Variants in SLC16A7 observed in about 807,000 individuals in gnomAD.
SLC16A7 encodes solute carrier family 16 member 7.
In SLC16A7, 33 loss-of-function variants were observed where a neutral mutation model predicts 34.9. The ratio of observed to expected loss-of-function variants is 0.94; its 90% CI spans 0.72 to 1.26. The LOEUF (loss-of-function observed/expected upper bound fraction) is 1.26. SLC16A7 is among the 50% of genes most tolerant of loss of function. The pLI, the probability that SLC16A7 is intolerant of heterozygous loss-of-function variation, is 0.00. For synonymous variants in SLC16A7, 201 were observed against 206.6 expected (o/e 0.97, Z 0.23); for missense variants, 573 against 578.1 (o/e 0.99, Z 0.09).
chr12:59,772,759 G>A (rs1288745086), intron 4 of SLC16A7, among the ~76,000 whole-genome samples: 2 of 151,924 alleles, frequency 1.3e-5, no homozygotes, highest in African/African-American at 4.8e-5. Flanking sequence ...AAATGAATAC[G>A]TAGTACTTTA....
intron 2 of SLC16A7, among the ~76,000 whole-genome samples, chr12:59,662,514 C>A (rs1480060328): frequency 6.6e-6 from 1 of 152,052 alleles, no homozygotes; most frequent in Non-Finnish European, 1.5e-5. Context: ...GAATTTATAA[C>A]CTTGGCAAAA....
intron 2 of SLC16A7, among the ~76,000 whole-genome samples, chr12:59,699,565 C>T (rs567148332): frequency 1.3e-4 from 20 of 151,630 alleles, no homozygotes; most frequent in South Asian, 4.2e-4. Flanking sequence ...CACAAATGCC[C>T]CAAGAGAGGA....
In SLC16A7 at chr12:59,619,601, A is replaced by T. The variant is rs144607667; in HGVS notation, c.-130+23365A>T. ...TGACTTCCTGCTGACAGATTTTAAG[A>T]TAATCTGTTCCTACCCACAGACCAG... On this transcript the variant is annotated intron_variant, in intron 1 of 5. Coordinates refer to ENST00000547379, the MANE Select transcript of SLC16A7 (RefSeq NM_001270623.2). Among the ~76,000 whole-genome samples, 322 of 152,108 alleles carry T rather than the reference A, an allele frequency of 2.1e-3. 1 individual carries two copies. The highest frequency in any genetic ancestry group is 0.017 in the Middle Eastern group (5 of 294).
chr12:59,616,099 A>C (rs544240688), intron 1 of SLC16A7, among the ~76,000 whole-genome samples: 1 of 152,320 alleles, frequency 6.6e-6, no homozygotes, highest in South Asian at 2.1e-4. Flanking sequence ...ATGATGCCTG[A>C]GGTAACTGGC....
rs201787046 is a variant in SLC16A7 at position 59,779,497 on chromosome 12, G to A, written c.1255G>A (p.Val419Met). The A allele has an allele frequency of 3.9e-5, 62 of 1,609,718 alleles. No homozygotes were observed. The highest frequency in any genetic ancestry group is 5.0e-5 in the Admixed American group (3 of 59,852). The change falls in exon 6 of 6, where the codon GTG becomes ATG. Residue 419 changes from valine (V) to methionine (M), a missense_variant. Physicochemically the swap from Val to Met is conservative, Grantham distance 21. Coordinates refer to ENST00000547379, the MANE Select transcript of SLC16A7 (RefSeq NM_001270623.2). ...TGGGGCTATTGTGGTAGCAGCAAGC[G>A]TGTGGCTGCTCATTGGCAATGCTAT... is the stretch of plus-strand genomic sequence containing the variant. ...SCGAIVVAASVWLLIGNAINY... is the reference protein window; with the variant it reads ...SCGAIVVAASMWLLIGNAINY...
chr12:59,665,646 A>C (rs1022804249), intron 2 of SLC16A7, among the ~76,000 whole-genome samples: 1 of 152,118 alleles, frequency 6.6e-6, no homozygotes, highest in African/African-American at 2.4e-5. Flanking sequence ...AAATAAAAAT[A>C]TTGTATACAT....
chr12:59,673,044 A>T (rs1039294516), intron 2 of SLC16A7, among the ~76,000 whole-genome samples: 2 of 152,164 alleles, frequency 1.3e-5, no homozygotes, highest in Non-Finnish European at 2.9e-5. Context: ...AGCATAAAAG[A>T]GTTGACTTTG....
At chr12:59,694,297 A>G (rs1385707735) in intron 2 of SLC16A7, among the ~76,000 whole-genome samples, 1 of 151,968 alleles carries the variant, frequency 6.6e-6, no homozygotes. Context: ...TTGGTTTTCT[A>G]CAGGCTTTGT....
intron 1 of SLC16A7, among the ~76,000 whole-genome samples, chr12:59,614,209 G>A (rs916553463): frequency 1.3e-4 from 19 of 151,976 alleles, no homozygotes; most frequent in Non-Finnish European, 2.8e-4. Flanking sequence ...ATTAATTTTT[G>A]TATTTTTAGT....
At chr12:59,713,824 T>C (rs1874544630) in intron 3 of SLC16A7, among the ~76,000 whole-genome samples, 3 of 152,232 alleles carry the variant, frequency 2.0e-5, no homozygotes, top group African/African-American at 7.2e-5. Flanking sequence ...ATTTCACTCA[T>C]TCATTTATTC....
At chr12:59,736,545 C>G (rs928708949) in intron 3 of SLC16A7, among the ~76,000 whole-genome samples, 2 of 152,072 alleles carry the variant, frequency 1.3e-5, no homozygotes, top group African/African-American at 4.8e-5. Context: ...GGTGACTTTC[C>G]CCACTATCAG....
chr12:59,762,212 A>T (rs895601587), intron 3 of SLC16A7, among the ~76,000 whole-genome samples: 3 of 152,052 alleles, frequency 2.0e-5, no homozygotes, highest in Non-Finnish European at 4.4e-5. Context: ...AATTTTTTAC[A>T]ATTTTCGTGT....
intron 1 of SLC16A7, among the ~76,000 whole-genome samples, chr12:59,641,223 A>G (rs868813056): frequency 2.0e-5 from 3 of 152,058 alleles, no homozygotes; most frequent in Non-Finnish European, 4.4e-5. Context: ...CTAAAGAACC[A>G]ATTTCCACCA....
chr12:59,605,594 C>T (rs1383170896), intron 1 of SLC16A7, among the ~76,000 whole-genome samples: 1 of 152,198 alleles, frequency 6.6e-6, no homozygotes, highest in African/African-American at 2.4e-5. Flanking sequence ...GTGTTCCAGA[C>T]ACTGTTTTGG....
intron 2 of SLC16A7, among the ~76,000 whole-genome samples, chr12:59,684,273 C>T (rs1223860900): frequency 6.6e-6 from 1 of 152,074 alleles, no homozygotes; most frequent in Non-Finnish European, 1.5e-5. Flanking sequence ...ATTACTGACA[C>T]CAAATCCTTT....
intron 3 of SLC16A7, among the ~76,000 whole-genome samples, chr12:59,759,116 T>C (rs909537620): frequency 1.3e-5 from 2 of 152,008 alleles, no homozygotes; most frequent in African/African-American, 4.8e-5. Flanking sequence ...CTGAGTATTT[T>C]AATAATAACC....
chr12:59,724,700 T>G (rs1876025965), intron 3 of SLC16A7, among the ~76,000 whole-genome samples: 1 of 152,084 alleles, frequency 6.6e-6, no homozygotes, highest in Non-Finnish European at 1.5e-5. Context: ...ACTTTGTATT[T>G]AATTTTACAG....
At chr12:59,718,566 A>G (rs1875193937) in intron 3 of SLC16A7, among the ~76,000 whole-genome samples, 1 of 152,092 alleles carries the variant, frequency 6.6e-6, no homozygotes, top group African/African-American at 2.4e-5. Context: ...TCTGAACTCT[A>G]CTGATTAGCT....
intron 1 of SLC16A7, among the ~76,000 whole-genome samples, chr12:59,641,079 A>G (rs1799671190): frequency 1.3e-5 from 2 of 152,112 alleles, no homozygotes; most frequent in South Asian, 4.1e-4. Flanking sequence ...TTATCTATAA[A>G]TTGGAGATGT....
Sources: allele counts gnomAD v4.1 joint callset (sites outside exome capture counted in the v4.1 genomes callset), GRCh38; gene constraint gnomAD v4.1.1; transcripts MANE v1.5; gene names NCBI Gene and HGNC (gene_info 2026-07-23, HGNC 2026-07-21).